The following RIC1 variants were observed in gnomAD, a reference collection of about 807,000 sequenced individuals.
The protein encoded by RIC1 is guanine nucleotide exchange factor subunit RIC1.
Under a neutral mutation model 169.0 loss-of-function variants are expected in RIC1, and 88 were observed. The observed-to-expected ratio is 0.52, with a 90% CI of 0.44 to 0.62. RIC1 has a LOEUF of 0.62. Ranked by LOEUF, RIC1 falls within the 20% of genes least tolerant of loss-of-function variation. The probability of loss-of-function intolerance (pLI) is 0.00; values close to 1 mark genes in which losing one functional copy is unlikely to be tolerated. For synonymous variants in RIC1, 790 were observed against 601.5 expected (o/e 1.31, Z -4.59); for missense variants, 1,877 against 1,725.5 (o/e 1.09, Z -1.56).
At chr9:5,658,521 A>T (rs924666823) in intron 2 of RIC1, among the ~76,000 whole-genome samples, 1 of 152,104 alleles carries the variant, frequency 6.6e-6, no homozygotes, top group Non-Finnish European at 1.5e-5. Flanking sequence ...ACTAAGAATT[A>T]CTGTGAATGA....
intron 1 of RIC1, among the ~76,000 whole-genome samples, chr9:5,649,507 C>A (rs559086354): frequency 1.3e-5 from 2 of 152,034 alleles, no homozygotes; most frequent in Non-Finnish European, 2.9e-5. Flanking sequence ...GTGAATTCTT[C>A]GGTTTGAGGA....
At chr9:5,705,880 T>C (rs1822555346) in intron 3 of RIC1, among the ~76,000 whole-genome samples, 1 of 152,214 alleles carries the variant, frequency 6.6e-6, no homozygotes, top group Admixed American at 6.5e-5. Context: ...CAGATGCTTT[T>C]TCTGCATGAA....
chr9:5,710,364 T>C (rs1323324087), intron 3 of RIC1, among the ~76,000 whole-genome samples: 1 of 152,184 alleles, frequency 6.6e-6, no homozygotes, highest in Non-Finnish European at 1.5e-5. Context: ...TCATAGTGCC[T>C]CTTTACCCTG....
At chr9:5,675,795 TCTTC>T (rs1340762443) in intron 2 of RIC1, among the ~76,000 whole-genome samples, 1 of 152,210 alleles carries the variant, frequency 6.6e-6, no homozygotes, top group Non-Finnish European at 1.5e-5. Context: ...ACTAAACTCT[TCTTC>T]CTTTGAAAGA....
intron 3 of RIC1, among the ~76,000 whole-genome samples, chr9:5,705,025 C>T (rs1201130895): frequency 6.6e-6 from 1 of 152,118 alleles, no homozygotes; most frequent in Non-Finnish European, 1.5e-5. Context: ...ATCTGTATGT[C>T]TGCCCTTGTA....
intron 6 of RIC1, among the ~76,000 whole-genome samples, chr9:5,723,922 C>CT (rs1823777638): frequency 6.6e-6 from 1 of 152,174 alleles, no homozygotes; most frequent in African/African-American, 2.4e-5. Context: ...GTCTAGATCT[C>CT]TGTTTTGGTA....
chr9:5,629,192 G>T lies in RIC1; in HGVS notation c.-118G>T. 1 of 1,083,510 alleles carries T rather than the reference G, an allele frequency of 9.2e-7. No individual in the cohort carries two copies. Among genetic ancestry groups the T allele is most frequent in the Non-Finnish European group, 1.2e-6 (1 of 840,314 alleles). The allele number at this position is 1,083,510 out of a possible 1,614,324, so 67.1% of individuals were successfully genotyped here. Reference sequence around the variant, plus strand: ...GGCCAGGCCAGCGGGCAGATGCCCCGAGCTGCCGCCGCCGCCGCCGCCGAC... The same window carrying T: ...GGCCAGGCCAGCGGGCAGATGCCCCTAGCTGCCGCCGCCGCCGCCGCCGAC... On this transcript the variant is annotated 5_prime_UTR_variant, in exon 1 of 26. Coordinates refer to ENST00000414202, the MANE Select transcript of RIC1 (RefSeq NM_020829.4).
chr9:5,708,052 C>G (rs751788289), intron 3 of RIC1, among the ~76,000 whole-genome samples: 1 of 151,610 alleles, frequency 6.6e-6, no homozygotes, highest in Admixed American at 6.6e-5. Flanking sequence ...TTCTCATTTC[C>G]TTTTTTGTAC....
chr9:5,767,891 T>C (rs1292921752), intron 21 of RIC1, among the ~76,000 whole-genome samples: 2 of 152,176 alleles, frequency 1.3e-5, no homozygotes, highest in Non-Finnish European at 2.9e-5. Context: ...CCAGCCTGTT[T>C]TACTGTTTTT....
In RIC1 at chr9:5,720,672, A is replaced by G. The variant is rs572410773; in HGVS notation, c.642A>G (p.Thr214=). 3.7e-6 allele frequency: 6 copies of G among 1,612,486 alleles called. No individual in the cohort carries two copies. The Admixed American group carries it at 1.0e-4, about 27-fold the overall frequency. The part of the protein sequence containing the change: ...VHIRDMEYCA[T]LDGFAVVFND... ...TCAGAGACATGGAATACTGTGCCAC[A>G]CTTGATGGGTTTGCTGTTGTATTTA... The change falls in exon 6 of 26, where the codon ACA becomes ACG. Residue 214 remains threonine, a synonymous_variant. Coordinates refer to ENST00000414202, the MANE Select transcript of RIC1 (RefSeq NM_020829.4).
chr9:5,708,297 A>G (rs1012782465), intron 3 of RIC1, among the ~76,000 whole-genome samples: 5 of 152,128 alleles, frequency 3.3e-5, no homozygotes, highest in African/African-American at 1.2e-4. Flanking sequence ...TGAGTCATAT[A>G]GGGAAAAAAA....
At chr9:5,712,964 G>A (rs567311518) in intron 3 of RIC1, 4 of 152,146 alleles carry the variant, frequency 2.6e-5, no homozygotes, top group African/African-American at 9.6e-5. Context: ...AAAATAGTCT[G>A]TAACAAAAAA....
At position 5,774,567 on chromosome 9, in the gene RIC1, T is replaced by G. The variant is rs1487363283; in HGVS notation, c.*321T>G. ...ATTGTTTTGCCCCAGGTGAGCTTAC[T>G]TTTTCACTACTTACATCTTCTCACA... On this transcript the variant is annotated 3_prime_UTR_variant, in exon 26 of 26. Transcript: ENST00000414202. 5 of 198,964 alleles carry G rather than the reference T, an allele frequency of 2.5e-5. No individual in the cohort carries two copies. Among genetic ancestry groups the G allele is most frequent in the African/African-American group, 1.2e-4 (5 of 43,172 alleles). 12.3% of individuals were successfully genotyped at this position (198,964 alleles called of 1,614,324 possible).
At chr9:5,680,358 A>G (rs912602696) in intron 2 of RIC1, among the ~76,000 whole-genome samples, 2 of 152,168 alleles carry the variant, frequency 1.3e-5, no homozygotes, top group Admixed American at 6.5e-5. Context: ...GGCGTCATCA[A>G]ATGAGTTAGG....
At position 5,770,175 on chromosome 9, in the gene RIC1, G is replaced by C. The variant is rs1355925399; in HGVS notation, c.3513G>C (p.Gln1171His). ...GCATCTCCAACATCCAGCGAAGTCAGAGCTGGCTCAGCAACATTGGCCCCA... is the reference window on the plus strand; with the variant it reads ...GCATCTCCAACATCCAGCGAAGTCACAGCTGGCTCAGCAACATTGGCCCCA... ...DAGISNIQRSQSWLSNIGPTH... is the reference protein window; with the variant it reads ...DAGISNIQRSHSWLSNIGPTH... The change falls in exon 23 of 26, where the codon CAG becomes CAC. Residue 1171 changes from glutamine to histidine, a missense_variant. Around this residue, in one of 3 missense-constraint regions of RIC1, gnomAD observed 681 missense variants for 582.0 expected, o/e 1.17. Transcript: ENST00000414202. 1.2e-6 allele frequency: 2 copies of C among 1,613,960 alleles called. No homozygotes were observed. Among genetic ancestry groups the C allele is most frequent in the Non-Finnish European group, 8.5e-7 (1 of 1,179,922 alleles).
Position 5,631,158 on chromosome 9 carries a change from C to G in RIC1, c.144+1705C>G, listed in dbSNP as rs1181137289. Among the ~76,000 whole-genome samples, 7 of 152,262 alleles carry G rather than the reference C, an allele frequency of 4.6e-5. No individual in the cohort carries two copies. The East Asian group carries it at 1.2e-3, about 25-fold the overall frequency. On this transcript the variant is annotated intron_variant, in intron 1 of 25. Transcript: ENST00000414202. Reference sequence around the variant, plus strand: ...ACATTGTGAATATTCTTAAGCATGTCTATTGTTTGGTTTTGGAGTTACATA... The same window carrying G: ...ACATTGTGAATATTCTTAAGCATGTGTATTGTTTGGTTTTGGAGTTACATA...
At chr9:5,670,511 C>T (rs538029915) in intron 2 of RIC1, among the ~76,000 whole-genome samples, 1 of 152,224 alleles carries the variant, frequency 6.6e-6, no homozygotes, top group South Asian at 2.1e-4. Flanking sequence ...TCTGCCATGA[C>T]CTACTTATTG....
intron 2 of RIC1, among the ~76,000 whole-genome samples, chr9:5,684,274 A>ACCCCCCCCCCCCCCCCCCCCCC (rs71326181): frequency 1.3e-4 from 1 of 7,668 alleles, no homozygotes; most frequent in African/African-American, 2.8e-4. Flanking sequence ...TCTTGGCTCC[A>ACCCCCCCCCCCCCCCCCCCCCC]CCCCCCCCCC....
chr9:5,742,926 T>C lies in RIC1; in HGVS notation c.959T>C (p.Val320Ala). 1 of 1,613,342 alleles carries C rather than the reference T, an allele frequency of 6.2e-7. No homozygotes were observed. Among genetic ancestry groups the C allele is most frequent in the African/African-American group, 1.3e-5 (1 of 75,004 alleles). Residue 320 changes from valine (V) to alanine (A), a missense_variant, in exon 9 of 26, where the codon GTT becomes GCT. This residue lies in a region of RIC1 where 1,104 missense variants were observed against 992.0 expected (regional missense o/e 1.11). Transcript: ENST00000414202. ...KLMRWSPDNS[V>A]VIVTWEYGGL... ...ATGAGATGGTCTCCTGACAATAGTGTTGTAATAGTGACCTGGGAATACGGA... is the reference window on the plus strand; with the variant it reads ...ATGAGATGGTCTCCTGACAATAGTGCTGTAATAGTGACCTGGGAATACGGA...
Sources: gnomAD v4.1 joint callset for allele counts (sites outside exome capture counted in the v4.1 genomes callset) on GRCh38, gnomAD v4.1.1 for gene constraint, gnomAD v4.1.1 regional missense constraint, MANE v1.5 for transcripts, NCBI Gene and HGNC (gene_info 2026-07-23, HGNC 2026-07-21) for gene names.